KCNQ2: variants seen among roughly 807,000 people sequenced by gnomAD.
KCNQ2 encodes the protein potassium voltage-gated channel subfamily Q member 2, also known as potassium voltage-gated channel subfamily KQT member 2.
A neutral mutation model predicts 84.8 loss-of-function variants in KCNQ2; 14 were observed. That is an observed-to-expected ratio of 0.17 (90% CI 0.11 to 0.26). KCNQ2 has a LOEUF of 0.26. KCNQ2 is among the 10% of genes least tolerant of loss of function. The probability of loss-of-function intolerance (pLI) is 1.00; values close to 1 mark genes in which losing one functional copy is unlikely to be tolerated. For missense variants in KCNQ2, 788 were observed against 1,254.0 expected (o/e 0.63, Z 5.61); for synonymous variants, 599 against 554.1 (o/e 1.08, Z -1.14).
chr20:63,436,640 G>A (rs567934024), intron 7 of KCNQ2, among the ~76,000 whole-genome samples: 24 of 152,278 alleles, frequency 1.6e-4, no homozygotes, highest in Middle Eastern at 3.4e-3. Context: ...ATTGCAACTC[G>A]CAGAAGGCTC....
At chr20:63,466,295 C>T (rs977513159) in intron 1 of KCNQ2, 1 of 151,344 alleles carries the variant, frequency 6.6e-6, no homozygotes, top group African/African-American at 2.4e-5. Flanking sequence ...GCAGGCTTCC[C>T]ACGCTCGAGC....
intron 1 of KCNQ2, among the ~76,000 whole-genome samples, chr20:63,469,794 G>T (rs2082165721): frequency 6.6e-6 from 1 of 152,234 alleles, no homozygotes; most frequent in Admixed American, 6.5e-5. Context: ...CGCCACACGG[G>T]CCAGTCCATG....
intron 1 of KCNQ2, among the ~76,000 whole-genome samples, chr20:63,457,816 G>C (rs1014136650): frequency 6.6e-6 from 1 of 152,228 alleles, no homozygotes; most frequent in Admixed American, 6.5e-5. Flanking sequence ...CACCCCAGGG[G>C]CTCTGGGAGC....
intron 8 of KCNQ2, among the ~76,000 whole-genome samples, chr20:63,431,681 G>A (rs780098047): frequency 6.6e-6 from 1 of 152,102 alleles, no homozygotes; most frequent in African/African-American, 2.4e-5. Flanking sequence ...TGCAAACATC[G>A]AGGACCGCCA....
chr20:63,434,809 T>TA (rs999704472), intron 7 of KCNQ2: 6 of 152,260 alleles, frequency 3.9e-5, no homozygotes, highest in African/African-American at 1.4e-4. Context: ...ATCGTATGGA[T>TA]AAATCACATT....
chr20:63,455,177 C>T (rs1474146380), intron 1 of KCNQ2, among the ~76,000 whole-genome samples: 1 of 152,178 alleles, frequency 6.6e-6, no homozygotes, highest in African/African-American at 2.4e-5. Flanking sequence ...ATGGGAGGAC[C>T]GAGCAGCTTC....
Position 63,438,860 on chromosome 20 carries a change from A to C in KCNQ2, c.928-140T>G. 1.5e-5 allele frequency: 9 copies of C among 610,530 alleles called. No homozygotes were observed. Among genetic ancestry groups the C allele is most frequent in the Admixed American group, 6.8e-5 (3 of 44,344 alleles). The allele number at this position is 610,530 out of a possible 1,614,324, so 37.8% of individuals were successfully genotyped here. A position where few individuals can be genotyped will look rare whatever the true frequency, so the allele number is the denominator to read the frequency against. On this transcript the variant is annotated intron_variant, in intron 6 of 16. Transcript: ENST00000359125. This position sits in a 1 kb window ranked among gnomAD's most constrained non-coding sequence, Gnocchi z 5.1. ...ACTCCAGAGACTCACACACCCCCCAATTCATCAGGGTCAGACCACGCCCCA... is the reference window on the plus strand; with the variant it reads ...ACTCCAGAGACTCACACACCCCCCACTTCATCAGGGTCAGACCACGCCCCA...
At chr20:63,453,764 G>A (rs4142630) in intron 1 of KCNQ2, 43,142 of 152,208 alleles carry the variant, frequency 0.28, 7,164 homozygotes, top group East Asian at 0.52. Flanking sequence ...GGGGGAGAAG[G>A]GGAAGGGCAT....
At chr20:63,463,170 G>A (rs1600855630) in intron 1 of KCNQ2, among the ~76,000 whole-genome samples, 1 of 152,098 alleles carries the variant, frequency 6.6e-6, no homozygotes, top group Non-Finnish European at 1.5e-5. Context: ...GTCAAGGCAG[G>A]AGGATCGCTC....
chr20:63,472,195 C>T lies in KCNQ2; in HGVS notation c.269G>A (p.Gly90Asp), dbSNP rs865908224. 2 of 1,534,714 alleles carry T rather than the reference C, an allele frequency of 1.3e-6. No individual in the cohort carries two copies. The highest frequency in any genetic ancestry group is 2.6e-5 in the East Asian group (1 of 38,456). ...FLYNVLERPR[G>D]WAFIYHAYVF... ...GTAGGCGTGGTAGATGAACGCCCAGCCGCGCGGCCGCTCCAGCACGTTGTA... is the reference window on the plus strand; with the variant it reads ...GTAGGCGTGGTAGATGAACGCCCAGTCGCGCGGCCGCTCCAGCACGTTGTA... Residue 90 changes from glycine (G) to aspartate (D), a missense_variant, in exon 1 of 17, where the codon GGC (glycine) becomes GAC (aspartate). Gly to Asp is a moderately conservative substitution (Grantham distance 94). Around this residue, in one of 8 missense-constraint regions of KCNQ2, gnomAD observed 106 missense variants for 214.8 expected, o/e 0.49. Transcript: ENST00000359125.
In KCNQ2 at chr20:63,413,359, C is replaced by T. The variant is rs545456632; in HGVS notation, c.1763+91G>A. 91 of 1,529,724 alleles carry T rather than the reference C, an allele frequency of 5.9e-5. No individual in the cohort carries two copies. The East Asian group carries it at 1.5e-3, about 25-fold the overall frequency. The allele number at this position is 1,529,724 out of a possible 1,614,324, so 94.8% of individuals were successfully genotyped here. ...GGGGAGGAGGCCCCGCCCACACACC[C>T]CCTGCACTCCCACCATGGGCCACAG... On this transcript the variant is annotated intron_variant, in intron 15 of 16. Coordinates refer to ENST00000359125, the MANE Select transcript of KCNQ2 (RefSeq NM_172107.4).
At chr20:63,450,695 C>T (rs1278647217) in intron 1 of KCNQ2, among the ~76,000 whole-genome samples, 1 of 150,522 alleles carries the variant, frequency 6.6e-6, no homozygotes, top group Non-Finnish European at 1.5e-5. Context: ...TCTGTGGAGC[C>T]GAGGCTGCGG....
At chr20:63,428,654 T>G (rs925909751) in intron 9 of KCNQ2, among the ~76,000 whole-genome samples, 3 of 152,132 alleles carry the variant, frequency 2.0e-5, no homozygotes, top group African/African-American at 7.2e-5. Flanking sequence ...TGGCTGTGCC[T>G]GGGGCCTTGT....
At chr20:63,443,168 T>A (rs1355743418) in intron 4 of KCNQ2, among the ~76,000 whole-genome samples, 1 of 30,912 alleles carries the variant, frequency 3.2e-5, no homozygotes. Flanking sequence ...GCCACCACCA[T>A]CACATCACCA....
At chr20:63,411,956 G>A (rs2080132807) in intron 15 of KCNQ2, 1 of 686,862 alleles carries the variant, frequency 1.5e-6, no homozygotes, top group Admixed American at 2.2e-5. Flanking sequence ...AGCTGGCCAG[G>A]AACTGGCGGA....
intron 4 of KCNQ2, among the ~76,000 whole-genome samples, chr20:63,443,328 TCACCATCAC>T (rs1568937220): frequency 5.9e-3 from 43 of 7,316 alleles, no homozygotes; most frequent in Non-Finnish European, 0.01. Flanking sequence ...ACCACCACCA[TCACCATCAC>T]CACCATCACC....
At chr20:63,445,094 C>T in intron 3 of KCNQ2, 144 bp downstream of exon 3, 1 of 1,160,220 alleles carries the variant, frequency 8.6e-7, no homozygotes, top group Non-Finnish European at 1.3e-6. Context: ...GACTCCAAGT[C>T]AGCAGGTGAA....
intron 11 of KCNQ2, 67 bp downstream of exon 11, chr20:63,424,110 C>T (rs199855727): frequency 4.6e-6 from 7 of 1,517,108 alleles, no homozygotes; most frequent in African/African-American, 1.4e-5. Context: ...GTTGCGCACA[C>T]GTGTGGGAGA....
chr20:63,410,326 A>G (rs893297907), intron 15 of KCNQ2, among the ~76,000 whole-genome samples: 5 of 152,154 alleles, frequency 3.3e-5, no homozygotes, highest in Non-Finnish European at 7.4e-5. Context: ...GGGCTCCTCC[A>G]AGGACCCTGT....
Sources: allele counts gnomAD v4.1 joint callset (sites outside exome capture counted in the v4.1 genomes callset), GRCh38; gene constraint gnomAD v4.1.1; regional missense constraint gnomAD v4.1.1; non-coding constraint Gnocchi (gnomAD v3.1); transcripts MANE v1.5; gene names NCBI Gene and HGNC (gene_info 2026-07-23, HGNC 2026-07-21).